Variants in BAZ2B observed in about 807,000 individuals in gnomAD.
The protein encoded by BAZ2B is bromodomain adjacent to zinc finger domain protein 2B.
BAZ2B carries 91 observed loss-of-function variants against 246.0 expected under a neutral mutation model. That is an observed-to-expected ratio of 0.37 (90% confidence interval 0.31 to 0.44). The LOEUF is 0.44. Among genes scored for constraint, BAZ2B ranks in the 20% least tolerant of loss-of-function variants. The pLI, the probability that BAZ2B is intolerant of heterozygous loss-of-function variation, is 1.00. For missense variants in BAZ2B, 2,332 were observed against 2,533.7 expected, an observed-to-expected ratio of 0.92 and a Z score of 1.71; for synonymous variants, 855 against 860.0, an observed-to-expected ratio of 0.99 and a Z score of 0.10.
At chr2:159,394,209 G>A (rs897968195) in intron 20 of BAZ2B, among the ~76,000 whole-genome samples, 3 of 151,644 alleles carry the variant, frequency 2.0e-5, no homozygotes, top group African/African-American at 7.3e-5. Context: ...TCTTTTCCCT[G>A]AGCTACTAAT....
At chr2:159,682,232 A>C in the BAZ2B span, among the ~76,000 whole-genome samples, 1 of 120,356 alleles carries the variant, frequency 8.3e-6, no homozygotes. Context: ...TCCCTCTCTC[A>C]CTCAGGCTGG....
chr2:159,562,769 T>G (rs1053966962), intron 1 of BAZ2B, among the ~76,000 whole-genome samples: 1 of 152,182 alleles, frequency 6.6e-6, no homozygotes, highest in Non-Finnish European at 1.5e-5. Context: ...TTAAAGCACA[T>G]TGCCTGATTA....
chr2:159,590,102 G>A (rs1171605473), intron 1 of BAZ2B, among the ~76,000 whole-genome samples: 7 of 145,888 alleles, frequency 4.8e-5, no homozygotes, highest in Admixed American at 2.1e-4. Flanking sequence ...CAGGAGAATC[G>A]CTTGAACCTG....
the BAZ2B span, among the ~76,000 whole-genome samples, chr2:159,685,825 G>C: frequency 1.3e-5 from 2 of 152,160 alleles, no homozygotes; most frequent in Non-Finnish European, 2.9e-5. Flanking sequence ...CTTCCTTACA[G>C]GATATGTAAG....
chr2:159,372,148 A>G (rs2060918551), intron 27 of BAZ2B, among the ~76,000 whole-genome samples: 1 of 152,196 alleles, frequency 6.6e-6, no homozygotes, highest in African/African-American at 2.4e-5. Flanking sequence ...AGTGGACTAT[A>G]AACATGACAT....
intron 14 of BAZ2B, among the ~76,000 whole-genome samples, chr2:159,407,370 G>A (rs1250825224): frequency 1.3e-5 from 2 of 152,020 alleles, no homozygotes; most frequent in Non-Finnish European, 2.9e-5. Context: ...TACTTGGGAG[G>A]TTGAAGCAGA....
At chr2:159,500,642 A>G (rs750518756) in intron 2 of BAZ2B, among the ~76,000 whole-genome samples, 46 of 152,064 alleles carry the variant, frequency 3.0e-4, no homozygotes, top group Non-Finnish European at 6.0e-4. Context: ...TCTTAATATC[A>G]CCTGCATTAA....
At chr2:159,565,897 A>G (rs536480708) in intron 1 of BAZ2B, among the ~76,000 whole-genome samples, 1 of 152,230 alleles carries the variant, frequency 6.6e-6, no homozygotes, top group Non-Finnish European at 1.5e-5. Flanking sequence ...GATTATATGG[A>G]AACTATACTG....
At position 159,350,013 on chromosome 2, in the gene BAZ2B, C is replaced by A; in HGVS notation, c.4558G>T (p.Val1520Leu). 1 of 1,614,196 alleles carries A rather than the reference C, an allele frequency of 6.2e-7. No individual in the cohort carries two copies. Among genetic ancestry groups the A allele is most frequent in the Middle Eastern group, 1.6e-4 (1 of 6,062 alleles). ...SVQSTATQSN[V>L]EKADSNNLFN... is the part of the protein sequence containing the mutation. ...AGATTATTAGAGTCTGCCTTTTCCA[C>A]ATTGCTTTGCGTTGCTGTTGACTGA... The change falls in exon 28 of 37, where the codon GTG becomes TTG. Residue 1520 changes from valine (V) to leucine (L), a missense_variant. Val to Leu is a conservative substitution (Grantham distance 32, BLOSUM62 1). Transcript: ENST00000392783.
At chr2:159,327,516 T>C (rs2063891075) in intron 34 of BAZ2B, among the ~76,000 whole-genome samples, 1 of 152,208 alleles carries the variant, frequency 6.6e-6, no homozygotes, top group Non-Finnish European at 1.5e-5. Context: ...CATTTAGTTA[T>C]TTATATTCAT....
At chr2:159,597,287 T>G (rs1690951565) in intron 1 of BAZ2B, among the ~76,000 whole-genome samples, 1 of 152,250 alleles carries the variant, frequency 6.6e-6, no homozygotes, top group Non-Finnish European at 1.5e-5. Flanking sequence ...CGAAACATTT[T>G]AAAGTTTAGA....
At chr2:159,669,057 CAAA>C in the BAZ2B span, among the ~76,000 whole-genome samples, 30 of 148,052 alleles carry the variant, frequency 2.0e-4, no homozygotes, top group Admixed American at 6.1e-4. Flanking sequence ...GACTCCGTCT[CAAA>C]AAAAAAAGAA....
In BAZ2B at chr2:159,368,858, TA is replaced by T. The variant is rs58161936; in HGVS notation, c.4213+4186del. 3.6e-3 allele frequency among the ~76,000 whole-genome samples: 451 copies of T among 123,804 alleles called. 1 individual carries two copies. The highest frequency in any genetic ancestry group is 0.011 in the African/African-American group (328 of 29,438). The allele number at this position is 123,804 out of a possible 152,430, so 81.2% of individuals were successfully genotyped here. On this transcript the variant is annotated intron_variant, in intron 27 of 36. Coordinates refer to ENST00000392783, the MANE Select transcript of BAZ2B (RefSeq NM_013450.4). ...TCAATCAATGATAATCTGAAAGGCC[TA>T]AAAAAAAAAAAAAAAAAAAAAAAAC...
At chr2:159,348,439 T>C (rs1482006878) in intron 30 of BAZ2B, among the ~76,000 whole-genome samples, 1 of 151,748 alleles carries the variant, frequency 6.6e-6, no homozygotes, top group African/African-American at 2.4e-5. Context: ...GTAGATGCTA[T>C]GGAAATAGTT....
intron 1 of BAZ2B, chr2:159,615,286 T>TGGG (rs1695678865): frequency 4.4e-5 from 6 of 136,076 alleles, no homozygotes; most frequent in Non-Finnish European, 6.3e-5. Context: ...GAACGGGGGC[T>TGGG]GGGGGGAGGG....
chr2:159,476,124 T>G (rs1390108540), intron 3 of BAZ2B, among the ~76,000 whole-genome samples: 4 of 152,138 alleles, frequency 2.6e-5, no homozygotes, highest in Non-Finnish European at 4.4e-5. Context: ...GTTTAAGTCT[T>G]TTGAAGCTAT....
chr2:159,606,276 A>G lies in BAZ2B; in HGVS notation c.-46+9966T>C, dbSNP rs556985747. Among the ~76,000 whole-genome samples, 8 of 151,230 alleles carry G rather than the reference A, an allele frequency of 5.3e-5. No individual in the cohort carries two copies. The South Asian group carries it at 1.7e-3, about 31-fold the overall frequency. ...TAAGAACACTTAACTTTGGCTCCAA[A>G]GTAACCCCTCTTTTAAAATAAAGAG... On this transcript the variant is annotated intron_variant, in intron 1 of 36. Transcript: ENST00000392783.
chr2:159,685,738 T>C, the BAZ2B span, among the ~76,000 whole-genome samples: 2 of 152,054 alleles, frequency 1.3e-5, no homozygotes, highest in African/African-American at 4.8e-5. Context: ...TATTACACTA[T>C]AATGCAAAGA....
chr2:159,588,994 T>A (rs1688684770), intron 1 of BAZ2B, among the ~76,000 whole-genome samples: 1 of 152,264 alleles, frequency 6.6e-6, no homozygotes, highest in South Asian at 2.1e-4. Flanking sequence ...GCATCTAAAG[T>A]CTACATGCAG....
Sources: allele counts gnomAD v4.1 joint callset (sites outside exome capture counted in the v4.1 genomes callset), GRCh38; gene constraint gnomAD v4.1.1; transcripts MANE v1.5; gene names NCBI Gene and HGNC (gene_info 2026-07-23, HGNC 2026-07-21).